Variants in APC observed in about 807,000 individuals in gnomAD.
The protein encoded by APC is APC regulator of Wnt signaling pathway, also known as adenomatous polyposis coli protein.
Under a neutral mutation model 247.0 loss-of-function variants are expected in APC, and 72 were observed. The observed-to-expected ratio is 0.29, with a 90% CI of 0.24 to 0.35. APC has a LOEUF of 0.35. Among genes scored for constraint, APC ranks in the 10% least tolerant of loss-of-function variants. The pLI, the probability that APC is intolerant of heterozygous loss-of-function variation, is 1.00. For synonymous variants in APC, 1,254 were observed against 1,162.5 expected, an observed-to-expected ratio of 1.08 and a Z score of -1.60; for missense variants, 3,400 against 3,360.7, an observed-to-expected ratio of 1.01 and a Z score of -0.29.
intron 1 of APC, among the ~76,000 whole-genome samples, chr5:112,720,753 T>C (rs1427900274): frequency 6.6e-6 from 1 of 152,190 alleles, no homozygotes; most frequent in Non-Finnish European, 1.5e-5. Context: ...TAGGCAGTAT[T>C]GGATATCCTT....
chr5:112,713,659 T>C (rs1199288745), intron 1 of APC, among the ~76,000 whole-genome samples: 1 of 152,218 alleles, frequency 6.6e-6, no homozygotes, highest in East Asian at 1.9e-4. Context: ...ATATAAGCTG[T>C]ACATAGGATT....
At chr5:112,710,694 T>G (rs1561396208) in intron 1 of APC, among the ~76,000 whole-genome samples, 1 of 152,252 alleles carries the variant, frequency 6.6e-6, no homozygotes, top group Non-Finnish European at 1.5e-5. Context: ...CCCAGGAAGC[T>G]GTTATAGTAG....
At chr5:112,829,047 G>C (rs1764038687) in intron 14 of APC, 75 bp downstream of exon 14, 2 of 1,017,478 alleles carry the variant, frequency 2.0e-6, no homozygotes, top group African/African-American at 3.2e-5. Flanking sequence ...TTTTAGCCAT[G>C]AGATTTCCTA....
Position 112,839,181 on chromosome 5 carries a change from C to T in APC, c.3587C>T (p.Ser1196Leu), listed in dbSNP as rs1554085141. ...DIPSSQKQSF[S>L]FSKSSSGQSS... ...CCTTCATCACAGAAACAGTCATTTTCATTCTCAAAGAGTTCATCTGGACAA... is the reference window on the plus strand; with the variant it reads ...CCTTCATCACAGAAACAGTCATTTTTATTCTCAAAGAGTTCATCTGGACAA... Residue 1196 changes from serine to leucine, a missense_variant, in exon 16 of 16, where the codon TCA becomes TTA. By Grantham distance (145) the Ser-to-Leu change is moderately radical (BLOSUM62 -2). Coordinates refer to ENST00000257430, the MANE Select transcript of APC (RefSeq NM_000038.6). The surrounding 1 kb of genome is among the most constrained non-coding windows in gnomAD (Gnocchi z 5.0). 4.3e-6 allele frequency: 7 copies of T among 1,614,126 alleles called. No homozygotes were observed. Among genetic ancestry groups the T allele is most frequent in the Non-Finnish European group, 5.9e-6 (7 of 1,180,032 alleles).
rs1197473008 is a variant in APC, at chr5:112,835,063, C to T, written c.1856C>T (p.Thr619Ile). The T allele has an allele frequency of 6.2e-7, 1 of 1,614,000 alleles. No individual in the cohort carries two copies. Residue 619 changes from threonine to isoleucine, a missense_variant, in exon 15 of 16, where the codon ACT (threonine) becomes ATT (isoleucine). Thr to Ile is a moderately conservative substitution (Grantham distance 89, BLOSUM62 -1). Coordinates refer to ENST00000257430, the MANE Select transcript of APC (RefSeq NM_000038.6). ...VDGALAFLVGTLTYRSQTNTL... is the reference protein window; with the variant it reads ...VDGALAFLVGILTYRSQTNTL... Reference sequence around the variant, plus strand: ...GGTGCACTTGCATTTTTGGTTGGCACTCTTACTTACCGGAGCCAGACAAAC... The same window carrying T: ...GGTGCACTTGCATTTTTGGTTGGCATTCTTACTTACCGGAGCCAGACAAAC...
intron 1 of APC, among the ~76,000 whole-genome samples, chr5:112,725,316 G>A (rs1378546255): frequency 6.6e-6 from 1 of 152,120 alleles, no homozygotes; most frequent in Non-Finnish European, 1.5e-5. Flanking sequence ...TTTTTTAAAG[G>A]TATTCCAGGC....
At chr5:112,720,572 G>C (rs1213419923) in intron 1 of APC, among the ~76,000 whole-genome samples, 1 of 152,168 alleles carries the variant, frequency 6.6e-6, no homozygotes, top group Non-Finnish European at 1.5e-5. Context: ...GACTTGACTT[G>C]CCTAAAAATA....
rs1234384149 is a variant in APC at position 112,801,395 on chromosome 5, A to G, written c.834+12A>G. The G allele has an allele frequency of 6.6e-7, 1 of 1,525,328 alleles. No individual in the cohort carries two copies. The highest frequency in any genetic ancestry group is 1.8e-5 in the Admixed American group (1 of 57,058). The allele number at this position is 1,525,328 out of a possible 1,614,324, so 94.5% of individuals were successfully genotyped here. ...CTGGTAATGGTCAGGTAAATAAATT[A>G]TTTTATCATATTTTTTAAAATTATT... On this transcript the variant is annotated intron_variant, in intron 8 of 15. Transcript: ENST00000257430.
At chr5:112,787,625 A>G (rs950424499) in intron 6 of APC, among the ~76,000 whole-genome samples, 2 of 152,170 alleles carry the variant, frequency 1.3e-5, no homozygotes, top group East Asian at 1.9e-4. Context: ...TCCCTTGCTC[A>G]TTCCCTACTG....
At chr5:112,750,569 A>G (rs1754241434) in intron 1 of APC, among the ~76,000 whole-genome samples, 1 of 151,906 alleles carries the variant, frequency 6.6e-6, no homozygotes, top group Non-Finnish European at 1.5e-5. Context: ...ATTTCACTGT[A>G]CAGATGTGCA....
At chr5:112,738,328 G>T in intron 1 of APC, 2 of 985,532 alleles carry the variant, frequency 2.0e-6, no homozygotes, top group Non-Finnish European at 2.4e-6. Context: ...CCATTGAAAG[G>T]CTTCTTTTCC....
chr5:112,738,342 C>G, intron 1 of APC: 4 of 985,546 alleles, frequency 4.1e-6, no homozygotes, highest in Non-Finnish European at 4.8e-6. Flanking sequence ...CTTTTCCTCC[C>G]TGGCGACAAG....
intron 1 of APC, among the ~76,000 whole-genome samples, chr5:112,727,520 A>G (rs1451424088): frequency 6.6e-6 from 1 of 152,100 alleles, no homozygotes; most frequent in African/African-American, 2.4e-5. Context: ...TAAACACCCA[A>G]TTTTGTTTTT....
chr5:112,781,931 G>T (rs1008963696), intron 6 of APC, among the ~76,000 whole-genome samples: 1 of 151,892 alleles, frequency 6.6e-6, no homozygotes, highest in African/African-American at 2.4e-5. Context: ...TTTTTGTTTC[G>T]CCATGTTTGC....
chr5:112,829,227 C>T, intron 14 of APC: 1 of 369,350 alleles, frequency 2.7e-6, no homozygotes, highest in South Asian at 2.4e-5. Flanking sequence ...CAACCTCCGT[C>T]TCCCATGTTC....
At chr5:112,775,902 T>G (rs1561478705) in intron 5 of APC, among the ~76,000 whole-genome samples, 165 bp downstream of exon 5, 2 of 152,210 alleles carry the variant, frequency 1.3e-5, no homozygotes, top group South Asian at 4.1e-4. Flanking sequence ...TAATGAATTT[T>G]TGTTGGTAAA....
chr5:112,777,805 CA>C (rs1757829845), intron 5 of APC: 2 of 254,618 alleles, frequency 7.9e-6, no homozygotes, highest in South Asian at 1.3e-4. Context: ...CTGTCTGTGG[CA>C]CCAATTACTC....
intron 1 of APC, among the ~76,000 whole-genome samples, chr5:112,719,480 C>T (rs931373167): frequency 6.6e-6 from 1 of 151,874 alleles, no homozygotes; most frequent in Non-Finnish European, 1.5e-5. Flanking sequence ...ACCTTGGCCT[C>T]CCAGAGTGCT....
chr5:112,839,642 A>G lies in APC; in HGVS notation c.4048A>G (p.Lys1350Glu). ...TTTATCTTCAGAATCAGCCAGGCACAAAGCTGTTGAATTTTCTTCAGGAGC... is the reference window on the plus strand; with the variant it reads ...TTTATCTTCAGAATCAGCCAGGCACGAAGCTGTTGAATTTTCTTCAGGAGC... Reference protein sequence around the residue: ...SSLSSESARHKAVEFSSGAKS... With the variant: ...SSLSSESARHEAVEFSSGAKS... Residue 1350 changes from lysine to glutamate, a missense_variant, in exon 16 of 16, where the codon AAA becomes GAA. Lys to Glu is a moderately conservative substitution (Grantham distance 56, BLOSUM62 1). Around this residue, in one of 9 missense-constraint regions of APC, gnomAD observed 715 missense variants for 656.6 expected, o/e 1.09. Transcript: ENST00000257430. This position sits in a 1 kb window ranked among gnomAD's most constrained non-coding sequence, Gnocchi z 5.0. The G allele has an allele frequency of 1.2e-6, 2 of 1,614,166 alleles. No individual in the cohort carries two copies. Among genetic ancestry groups the G allele is most frequent in the Non-Finnish European group, 1.7e-6 (2 of 1,180,030 alleles).
Sources: allele counts gnomAD v4.1 joint callset (sites outside exome capture counted in the v4.1 genomes callset), GRCh38; gene constraint gnomAD v4.1.1; regional missense constraint gnomAD v4.1.1; non-coding constraint Gnocchi (gnomAD v3.1); transcripts MANE v1.5; gene names NCBI Gene and HGNC (gene_info 2026-07-23, HGNC 2026-07-21).